LARP4: variants seen among roughly 807,000 people sequenced by gnomAD.
The protein encoded by LARP4 is La ribonucleoprotein 4.
LARP4 carries 29 observed loss-of-function variants against 92.9 expected under a neutral mutation model. The ratio of observed to expected loss-of-function variants is 0.31; its 90% CI spans 0.23 to 0.43. The LOEUF is 0.43. Among genes scored for constraint, LARP4 ranks in the 20% least tolerant of loss-of-function variants. The pLI is 1.00. For synonymous variants in LARP4, 279 were observed against 284.1 expected (o/e 0.98, Z 0.18); for missense variants, 732 against 860.0 (o/e 0.85, Z 1.86).
chr12:50,430,376 G>T, intron 3 of LARP4, 119 bp from the exon 4 acceptor site: 1 of 600,066 alleles, frequency 1.7e-6, no homozygotes, highest in South Asian at 2.2e-5. Context: ...TGAAACAATA[G>T]CTTTGTGGTG....
chr12:50,466,391 A>T (rs1478554778), intron 12 of LARP4, among the ~76,000 whole-genome samples: 1 of 152,006 alleles, frequency 6.6e-6, no homozygotes, highest in East Asian at 1.9e-4. Flanking sequence ...AGGAGAGAGG[A>T]TCACTTAAGC....
At chr12:50,437,240 G>A (rs141814338) in intron 5 of LARP4, among the ~76,000 whole-genome samples, 44 of 152,258 alleles carry the variant, frequency 2.9e-4, no homozygotes, top group Admixed American at 1.7e-3. Flanking sequence ...GATTAAGTAA[G>A]TTGAAATCCT....
intron 8 of LARP4, 123 bp from the exon 9 acceptor site, chr12:50,453,337 C>A: frequency 3.7e-6 from 2 of 545,724 alleles, no homozygotes; most frequent in East Asian, 2.9e-5. Flanking sequence ...TTCTTTTGCT[C>A]TACTGATTCT....
intron 13 of LARP4, among the ~76,000 whole-genome samples, chr12:50,467,963 T>G (rs1956379061): frequency 6.6e-6 from 1 of 152,082 alleles, no homozygotes; most frequent in African/African-American, 2.4e-5. Flanking sequence ...CTTTTATTCC[T>G]GTATTTCTTT....
chr12:50,426,684 G>GGGT (rs774548049), intron 1 of LARP4, among the ~76,000 whole-genome samples: 1 of 86,176 alleles, frequency 1.2e-5, no homozygotes, highest in African/African-American at 5.0e-5. Context: ...TTATGTTTGG[G>GGGT]GTGTGTGTGT....
At position 50,479,711 on chromosome 12, in the gene LARP4, A is replaced by G. The variant is rs761600578; in HGVS notation, c.*3847A>G. ...GGTTTTATTTTCAGTTTTGCAGCAC[A>G]GAACACTGTTGAAATATCCATATCA... On this transcript the variant is annotated 3_prime_UTR_variant, in exon 16 of 16. Coordinates refer to ENST00000398473, the MANE Select transcript of LARP4 (RefSeq NM_052879.5). The G allele has an allele frequency of 6.6e-6, 1 of 152,220 alleles. No homozygotes were observed. Among genetic ancestry groups the G allele is most frequent in the Non-Finnish European group, 1.5e-5 (1 of 68,042 alleles). The allele number at this position is 152,220 out of a possible 1,614,324, so 9.4% of individuals were successfully genotyped here. A position where few individuals can be genotyped will look rare whatever the true frequency, so the allele number is the denominator to read the frequency against.
At chr12:50,432,907 CTT>C (rs1261037854) in intron 4 of LARP4, among the ~76,000 whole-genome samples, 1 of 150,632 alleles carries the variant, frequency 6.6e-6, no homozygotes, top group East Asian at 1.9e-4. Flanking sequence ...ATCGGGGAGA[CTT>C]GCGTTTGCCG....
intron 8 of LARP4, among the ~76,000 whole-genome samples, chr12:50,452,886 A>G (rs936035795): frequency 6.6e-6 from 1 of 151,724 alleles, no homozygotes; most frequent in African/African-American, 2.4e-5. Flanking sequence ...GTTTTGACTT[A>G]GTTTTTTGGG....
chr12:50,451,860 C>T (rs937216902), intron 8 of LARP4, among the ~76,000 whole-genome samples: 15 of 151,194 alleles, frequency 9.9e-5, no homozygotes, highest in African/African-American at 2.4e-4. Context: ...AAAAATCAGC[C>T]GGGCGTGTTG....
rs1365844848 is a variant in LARP4 at position 50,429,065 on chromosome 12, G to C, written c.297G>C (p.Leu99=). ...GGATGATTTTAGGACCAGAAGATCT[G>C]AGTTACCAAATATATGATGTTTCCG... The part of the protein sequence containing the change: ...TDGMILGPED[L]SYQIYDVSGE... The change falls in exon 3 of 16, where the codon CTG becomes CTC. Residue 99 remains leucine (L), a synonymous_variant. Coordinates refer to ENST00000398473, the MANE Select transcript of LARP4 (RefSeq NM_052879.5). 1.2e-6 allele frequency: 2 copies of C among 1,611,968 alleles called. No homozygotes were observed. Among genetic ancestry groups the C allele is most frequent in the South Asian group, 2.2e-5 (2 of 90,526 alleles).
chr12:50,420,403 A>T (rs982351886), intron 1 of LARP4, among the ~76,000 whole-genome samples: 20 of 152,230 alleles, frequency 1.3e-4, no homozygotes, highest in African/African-American at 4.8e-4. Context: ...TCAGAAGAGA[A>T]TAATAGAGCA....
At chr12:50,402,908 A>G in intron 1 of LARP4, 1 of 418,204 alleles carries the variant, frequency 2.4e-6, no homozygotes. Flanking sequence ...GTCATTCTTC[A>G]TTTTCTCATA....
intron 1 of LARP4, among the ~76,000 whole-genome samples, chr12:50,426,684 G>GGGGGTGT (rs774548049): frequency 1.2e-5 from 1 of 86,174 alleles, no homozygotes; most frequent in African/African-American, 5.0e-5. Flanking sequence ...TTATGTTTGG[G>GGGGGTGT]GTGTGTGTGT....
chr12:50,445,855 G>C (rs148135616), intron 8 of LARP4, among the ~76,000 whole-genome samples: 52 of 152,210 alleles, frequency 3.4e-4, no homozygotes, highest in African/African-American at 1.1e-3. Flanking sequence ...ATATGTACTT[G>C]TAAGAGCTGT....
intron 5 of LARP4, 138 bp downstream of exon 5, chr12:50,435,762 C>A (rs1315994702): frequency 1.6e-6 from 1 of 622,484 alleles, no homozygotes; most frequent in Non-Finnish European, 2.6e-6. Flanking sequence ...AATTCTCTCT[C>A]TTTGTTTTTT....
At chr12:50,453,199 G>A (rs1390867314) in intron 8 of LARP4, among the ~76,000 whole-genome samples, 2 of 151,680 alleles carry the variant, frequency 1.3e-5, no homozygotes, top group African/African-American at 2.4e-5. Flanking sequence ...ACAGGTGTGA[G>A]CCAGCACACC....
intron 1 of LARP4, among the ~76,000 whole-genome samples, chr12:50,406,937 C>T (rs1319111477): frequency 2.0e-5 from 3 of 152,128 alleles, no homozygotes; most frequent in Non-Finnish European, 4.4e-5. Flanking sequence ...AAGCTGGTCT[C>T]AAACTCCTAA....
intron 4 of LARP4, among the ~76,000 whole-genome samples, chr12:50,433,017 G>A (rs1018795284): frequency 1.3e-5 from 2 of 151,890 alleles, no homozygotes; most frequent in Non-Finnish European, 2.9e-5. Context: ...TTAAAACTCA[G>A]GAAACATCTT....
At chr12:50,436,869 T>C (rs1264696149) in intron 5 of LARP4, among the ~76,000 whole-genome samples, 4 of 152,156 alleles carry the variant, frequency 2.6e-5, no homozygotes, top group Admixed American at 2.0e-4. Context: ...TTACAGAGGA[T>C]TACAAACATT....
Sources: allele counts gnomAD v4.1 joint callset (sites outside exome capture counted in the v4.1 genomes callset), GRCh38; gene constraint gnomAD v4.1.1; transcripts MANE v1.5; gene names NCBI Gene and HGNC (gene_info 2026-07-23, HGNC 2026-07-21).